Variants in TMEM266 observed in about 807,000 individuals in gnomAD.
TMEM266 encodes transmembrane protein 266.
Under a neutral mutation model 50.5 loss-of-function variants are expected in TMEM266, and 33 were observed. The observed-to-expected ratio is 0.65, with a 90% CI of 0.50 to 0.87. TMEM266 has a LOEUF of 0.87. TMEM266 is among the 40% of genes least tolerant of loss of function. The pLI is 0.00. For synonymous variants in TMEM266, 310 were observed against 292.3 expected, an observed-to-expected ratio of 1.06 and a Z score of -0.62; for missense variants, 655 against 695.1, an observed-to-expected ratio of 0.94 and a Z score of 0.65.
chr15:76,193,252 G>A lies in TMEM266; in HGVS notation c.958+1095G>A, dbSNP rs2142083651. Among the ~76,000 whole-genome samples the A allele has an allele frequency of 1.3e-5, 2 of 151,844 alleles. 1 individual carries two copies. Among genetic ancestry groups the A allele is most frequent in the South Asian group, 4.2e-4 (2 of 4,806 alleles). On this transcript the variant is annotated intron_variant, in intron 9 of 10. Coordinates refer to ENST00000388942, the MANE Select transcript of TMEM266 (RefSeq NM_152335.3). ...AACGAATGGTTGCTTTTTTTTTGGA[G>A]ACAGGGTCTCACTCCTGGAGTGCAG... is the stretch of plus-strand genomic sequence containing the variant.
chr15:76,072,642 T>C lies in TMEM266; in HGVS notation c.-97+12626T>C, dbSNP rs566666552. On this transcript the variant is annotated intron_variant, in intron 1 of 10. Transcript: ENST00000388942. Reference sequence around the variant, plus strand: ...CAGAATAATTTCTCTACTTTTTTTTTCTTTCTTTTTTTTTGAGATGGAGTC... The same window carrying C: ...CAGAATAATTTCTCTACTTTTTTTTCCTTTCTTTTTTTTTGAGATGGAGTC... 2.0e-5 allele frequency among the ~76,000 whole-genome samples: 3 copies of C among 152,090 alleles called. No individual in the cohort carries two copies. In the East Asian group the frequency reaches 5.8e-4, roughly 29 times the overall value.
chr15:76,094,608 T>C (rs2036897081), intron 1 of TMEM266, among the ~76,000 whole-genome samples: 1 of 152,104 alleles, frequency 6.6e-6, no homozygotes, highest in African/African-American at 2.4e-5. Context: ...GGCTCTTTTT[T>C]GGTTCCATAT....
intron 5 of TMEM266, among the ~76,000 whole-genome samples, chr15:76,166,196 G>A (rs2038094336): frequency 6.6e-6 from 1 of 152,068 alleles, no homozygotes; most frequent in South Asian, 2.1e-4. Flanking sequence ...TGGACAGTGG[G>A]TCTCGGCAAA....
intron 1 of TMEM266, among the ~76,000 whole-genome samples, chr15:76,092,025 T>C (rs2141998514): frequency 6.6e-6 from 1 of 151,660 alleles, no homozygotes; most frequent in Middle Eastern, 3.4e-3. Flanking sequence ...GAAAAACCTA[T>C]GGCAAAAGTC....
intron 8 of TMEM266, chr15:76,181,450 C>T (rs2038403318): frequency 1.3e-5 from 2 of 152,282 alleles, no homozygotes. Context: ...CTGGCCATGC[C>T]TTCTGCAGTC....
At chr15:76,115,758 G>A (rs575500201) in intron 1 of TMEM266, among the ~76,000 whole-genome samples, 46 of 152,290 alleles carry the variant, frequency 3.0e-4, no homozygotes, top group Non-Finnish European at 5.3e-4. Flanking sequence ...CGTATTTGTG[G>A]CCATCCTGCA....
At chr15:76,183,017 C>A (rs1366464962) in intron 8 of TMEM266, among the ~76,000 whole-genome samples, 1 of 150,940 alleles carries the variant, frequency 6.6e-6, no homozygotes, top group Non-Finnish European at 1.5e-5. Context: ...TCATCATACT[C>A]CAATGCAGGT....
chr15:76,177,348 T>C (rs186878132), intron 8 of TMEM266, among the ~76,000 whole-genome samples: 15 of 152,342 alleles, frequency 9.8e-5, no homozygotes, highest in Non-Finnish European at 1.5e-4. Context: ...TTGCGGGTCT[T>C]GGTAAATGCA....
rs1364457311 is a variant in TMEM266 at position 76,161,620 on chromosome 15, G to A, written c.456+1452G>A. On this transcript the variant is annotated intron_variant, in intron 5 of 10. Coordinates refer to ENST00000388942, the MANE Select transcript of TMEM266 (RefSeq NM_152335.3). The surrounding 1 kb of genome is among the most constrained non-coding windows in gnomAD (Gnocchi z 4.1). ...CTGGGCCTCGCCTCCTACAGCCCACGGAGCTGGCTGGTGAGCCTGGGCCTG... is the reference window on the plus strand; with the variant it reads ...CTGGGCCTCGCCTCCTACAGCCCACAGAGCTGGCTGGTGAGCCTGGGCCTG... 6.6e-6 allele frequency among the ~76,000 whole-genome samples: 1 copy of A among 152,148 alleles called. No individual in the cohort carries two copies. Among genetic ancestry groups the A allele is most frequent in the Non-Finnish European group, 1.5e-5 (1 of 68,018 alleles).
chr15:76,080,865 G>T (rs1464378374), intron 1 of TMEM266, among the ~76,000 whole-genome samples: 2 of 151,750 alleles, frequency 1.3e-5, no homozygotes, highest in Non-Finnish European at 2.9e-5. Flanking sequence ...TCCCACCTCA[G>T]CCTCAGTGTA....
intron 1 of TMEM266, among the ~76,000 whole-genome samples, chr15:76,067,197 A>G (rs927443551): frequency 6.6e-6 from 1 of 152,202 alleles, no homozygotes; most frequent in African/African-American, 2.4e-5. Flanking sequence ...TTTGGGTTTG[A>G]AATTACACAG....
At chr15:76,117,708 A>G (rs1027058566) in intron 1 of TMEM266, among the ~76,000 whole-genome samples, 2 of 152,188 alleles carry the variant, frequency 1.3e-5, no homozygotes, top group East Asian at 3.9e-4. Context: ...GGATTTTGTG[A>G]GAGGAGACAA....
At chr15:76,122,228 G>A (rs1395902811) in intron 1 of TMEM266, among the ~76,000 whole-genome samples, 2 of 152,196 alleles carry the variant, frequency 1.3e-5, no homozygotes, top group Non-Finnish European at 2.9e-5. Flanking sequence ...GTGCAAGAGA[G>A]GGCAGGCCCA....
In TMEM266 at chr15:76,114,798, C is replaced by A. The variant is rs139381264; in HGVS notation, c.-96-19370C>A. ...ATTTAGTTCCGAAACATTTTCATCA[C>A]CCCACAAGGAAACCCCATTAAAGTC... On this transcript the variant is annotated intron_variant, in intron 1 of 10. Coordinates refer to ENST00000388942, the MANE Select transcript of TMEM266 (RefSeq NM_152335.3). Among the ~76,000 whole-genome samples, 831 of 152,230 alleles carry A rather than the reference C, an allele frequency of 5.5e-3. 4 individuals are homozygous for A. Among genetic ancestry groups the A allele is most frequent in the Non-Finnish European group, 9.2e-3 (625 of 68,014 alleles).
intron 1 of TMEM266, among the ~76,000 whole-genome samples, chr15:76,106,709 G>A (rs939152944): frequency 2.0e-5 from 3 of 152,168 alleles, no homozygotes; most frequent in Non-Finnish European, 4.4e-5. Context: ...GCTTCCCAAA[G>A]TGCTGGGATT....
chr15:76,071,276 T>C (rs922465451), intron 1 of TMEM266, among the ~76,000 whole-genome samples: 1 of 152,180 alleles, frequency 6.6e-6, no homozygotes, highest in African/African-American at 2.4e-5. Flanking sequence ...GTGAAGATGC[T>C]AGGTGGTAAG....
At chr15:76,083,232 T>C (rs539703339) in intron 1 of TMEM266, among the ~76,000 whole-genome samples, 80 of 146,878 alleles carry the variant, frequency 5.4e-4, no homozygotes, top group African/African-American at 2.0e-3. Flanking sequence ...GTGCTGATAC[T>C]CTTTTTTTTT....
At chr15:76,073,081 G>A (rs1365656500) in intron 1 of TMEM266, among the ~76,000 whole-genome samples, 10 of 151,604 alleles carry the variant, frequency 6.6e-5, no homozygotes, top group Non-Finnish European at 1.3e-4. Flanking sequence ...ACAGGCATGT[G>A]TCACCACACC....
In TMEM266 at chr15:76,192,011, T is replaced by C. The variant is rs2038581281; in HGVS notation, c.812T>C (p.Leu271Pro). 5 of 1,578,332 alleles carry C rather than the reference T, an allele frequency of 3.2e-6. No homozygotes were observed. The highest frequency in any genetic ancestry group is 2.3e-5 in the South Asian group (2 of 88,862). ...CGCGCGCACCTGGCGCAGCAGGACCTGGACCTGGCTGCCGAGCGCGAAGCG... is the reference window on the plus strand; with the variant it reads ...CGCGCGCACCTGGCGCAGCAGGACCCGGACCTGGCTGCCGAGCGCGAAGCG... The change falls in exon 9 of 11, where the codon CTG (leucine) becomes CCG (proline). Residue 271 changes from leucine to proline, a missense_variant. Coordinates refer to ENST00000388942, the MANE Select transcript of TMEM266 (RefSeq NM_152335.3).
Sources: gnomAD v4.1 joint callset for allele counts (sites outside exome capture counted in the v4.1 genomes callset) on GRCh38, gnomAD v4.1.1 for gene constraint, Gnocchi (gnomAD v3.1) non-coding constraint, MANE v1.5 for transcripts, NCBI Gene and HGNC (gene_info 2026-07-23, HGNC 2026-07-21) for gene names.